Variants in OSBPL1A observed in about 807,000 individuals in gnomAD.
OSBPL1A encodes oxysterol binding protein like 1A, also known as oxysterol-binding protein-related protein 1.
A neutral mutation model predicts 137.1 loss-of-function variants in OSBPL1A; 80 were observed. The ratio of observed to expected loss-of-function variants is 0.58; its 90% CI spans 0.49 to 0.70. OSBPL1A has a LOEUF of 0.70. Ranked by LOEUF, OSBPL1A falls within the 30% of genes least tolerant of loss-of-function variation. OSBPL1A has a pLI of 0.00. For synonymous variants in OSBPL1A, 365 were observed against 389.7 expected, an observed-to-expected ratio of 0.94 and a Z score of 0.75; for missense variants, 970 against 1,129.4, an observed-to-expected ratio of 0.86 and a Z score of 2.02.
chr18:24,385,281 C>T (rs958305360), intron 1 of OSBPL1A, among the ~76,000 whole-genome samples: 2 of 152,142 alleles, frequency 1.3e-5, no homozygotes, highest in Non-Finnish European at 2.9e-5. Context: ...ATACCAGCTA[C>T]ATAGGGGGCT....
Position 24,312,041 on chromosome 18 carries a change from C to T in OSBPL1A, c.1035G>A (p.Leu345=), listed in dbSNP as rs1300385827. ...CCGTATCTTCCTCCTCCTCATCAGT[C>T]AGCTGGTCCTGGGAACAGTAGTGAG... is the stretch of plus-strand genomic sequence containing the variant. ...YSTHYCSQDQ[L]TDEEEEDTVS... Residue 345 remains leucine (L), a synonymous_variant, in exon 13 of 28, where the codon CTG becomes CTA. Transcript: ENST00000319481. 2.5e-6 allele frequency: 4 copies of T among 1,614,122 alleles called. No individual in the cohort carries two copies. Among genetic ancestry groups the T allele is most frequent in the Non-Finnish European group, 2.5e-6 (3 of 1,179,988 alleles).
At position 24,271,806 on chromosome 18, in the gene OSBPL1A, T is replaced by A; in HGVS notation, c.1281+9036A>T. 5.1e-6 allele frequency: 5 copies of A among 985,342 alleles called. No individual in the cohort carries two copies. The highest frequency in any genetic ancestry group is 6.0e-6 in the Non-Finnish European group (5 of 829,932). The allele number at this position is 985,342 out of a possible 1,614,324, so 61.0% of individuals were successfully genotyped here. On this transcript the variant is annotated intron_variant, in intron 15 of 27. Coordinates refer to ENST00000319481, the MANE Select transcript of OSBPL1A (RefSeq NM_080597.4). This position sits in a 1 kb window ranked among gnomAD's most constrained non-coding sequence, Gnocchi z 4.0. Reference sequence around the variant, plus strand: ...AAGTCACCTTTGCGCAGCCTGCCCCTGGCTCCGGCCGGGCAGCAGCGCCAG... The same window carrying A: ...AAGTCACCTTTGCGCAGCCTGCCCCAGGCTCCGGCCGGGCAGCAGCGCCAG...
intron 5 of OSBPL1A, among the ~76,000 whole-genome samples, chr18:24,336,102 C>A (rs747266846): frequency 6.6e-6 from 1 of 152,196 alleles, no homozygotes; most frequent in African/African-American, 2.4e-5. Flanking sequence ...GCATGTATCA[C>A]CCTGACCTGT....
intron 2 of OSBPL1A, among the ~76,000 whole-genome samples, chr18:24,372,715 C>G (rs569574951): frequency 6.6e-6 from 1 of 152,262 alleles, no homozygotes; most frequent in African/African-American, 2.4e-5. Flanking sequence ...AGCTTGTGAC[C>G]TGGTGTCCTC....
At chr18:24,358,809 T>G (rs1024037197) in intron 4 of OSBPL1A, among the ~76,000 whole-genome samples, 1 of 152,192 alleles carries the variant, frequency 6.6e-6, no homozygotes, top group Admixed American at 6.5e-5. Flanking sequence ...GGTGCCATCA[T>G]AGCTCACTCA....
At chr18:24,196,264 T>C (rs2087027753) in intron 17 of OSBPL1A, 64 bp from the exon 18 acceptor site, 2 of 1,137,350 alleles carry the variant, frequency 1.8e-6, no homozygotes, top group Non-Finnish European at 2.6e-6. Flanking sequence ...AGGGAAGAAC[T>C]GCTTTCATTC....
intron 1 of OSBPL1A, among the ~76,000 whole-genome samples, chr18:24,391,765 C>A (rs569876701): frequency 4.6e-5 from 7 of 152,146 alleles, no homozygotes; most frequent in Admixed American, 6.5e-5. Flanking sequence ...AACAAAAAAA[C>A]CTAAAAGGGC....
chr18:24,354,981 T>C (rs2091507465), intron 4 of OSBPL1A, among the ~76,000 whole-genome samples: 1 of 152,018 alleles, frequency 6.6e-6, no homozygotes, highest in Non-Finnish European at 1.5e-5. Context: ...TTCTACTGCC[T>C]TGGGGTCCAA....
intron 14 of OSBPL1A, among the ~76,000 whole-genome samples, chr18:24,287,813 AAAAT>A (rs1249771246): frequency 6.6e-6 from 1 of 151,782 alleles, no homozygotes; most frequent in South Asian, 2.1e-4. Context: ...AAAATAAAAT[AAAAT>A]AGACTTTGGC....
chr18:24,187,054 C>T (rs1194640605), intron 18 of OSBPL1A, among the ~76,000 whole-genome samples: 2 of 151,858 alleles, frequency 1.3e-5, no homozygotes, highest in African/African-American at 4.8e-5. Context: ...GAAAAATTGG[C>T]GTAGAAGTAA....
intron 4 of OSBPL1A, among the ~76,000 whole-genome samples, chr18:24,365,025 CAAAAAAAAA>C (rs56400717): frequency 2.8e-4 from 25 of 89,700 alleles, no homozygotes; most frequent in Admixed American, 7.2e-4. Flanking sequence ...AAAACAACAA[CAAAAAAAAA>C]AAAAAAAAAA....
chr18:24,300,305 A>G (rs1398018073), intron 14 of OSBPL1A, among the ~76,000 whole-genome samples: 3 of 152,230 alleles, frequency 2.0e-5, no homozygotes, highest in African/African-American at 7.2e-5. Context: ...AGAATAACTG[A>G]AAATAACGCT....
chr18:24,380,689 C>G (rs1457024134), intron 1 of OSBPL1A, among the ~76,000 whole-genome samples: 1 of 152,214 alleles, frequency 6.6e-6, no homozygotes, highest in Non-Finnish European at 1.5e-5. Flanking sequence ...CGGTGGCTCA[C>G]GCCTGTAATC....
intron 24 of OSBPL1A, among the ~76,000 whole-genome samples, chr18:24,167,712 G>A (rs562323231): frequency 6.6e-5 from 10 of 152,282 alleles, no homozygotes; most frequent in African/African-American, 1.9e-4. Flanking sequence ...ATACATACAC[G>A]ATCTTAGTTT....
intron 13 of OSBPL1A, among the ~76,000 whole-genome samples, chr18:24,310,454 T>C (rs532212755): frequency 1.6e-4 from 16 of 97,046 alleles, no homozygotes; most frequent in African/African-American, 6.0e-4. Context: ...AAAAAAAAAT[T>C]AGCCAGGTGC....
chr18:24,266,271 A>G (rs191488270), intron 15 of OSBPL1A, among the ~76,000 whole-genome samples: 124 of 152,272 alleles, frequency 8.1e-4, no homozygotes, highest in African/African-American at 2.7e-3. Flanking sequence ...TGGTCTGCAT[A>G]AAGAATAACA....
At chr18:24,254,099 G>A (rs2089194021) in intron 15 of OSBPL1A, among the ~76,000 whole-genome samples, 2 of 152,172 alleles carry the variant, frequency 1.3e-5, no homozygotes, top group Non-Finnish European at 2.9e-5. Context: ...AGTTGGTTAG[G>A]TCTTATTTTA....
chr18:24,228,612 G>GATCAC (rs2088170769), intron 16 of OSBPL1A, among the ~76,000 whole-genome samples: 1 of 152,160 alleles, frequency 6.6e-6, no homozygotes, highest in African/African-American at 2.4e-5. Context: ...TTCTCTAGGT[G>GATCAC]ATCACAGGAG....
At chr18:24,177,009 C>A (rs73408117) in intron 21 of OSBPL1A, among the ~76,000 whole-genome samples, 4,244 of 152,288 alleles carry the variant, frequency 0.028, 150 homozygotes, top group African/African-American at 0.088. Flanking sequence ...GTATCTCCCA[C>A]AACTAGGTCT....
Sources: allele counts gnomAD v4.1 joint callset (sites outside exome capture counted in the v4.1 genomes callset), GRCh38; gene constraint gnomAD v4.1.1; non-coding constraint Gnocchi (gnomAD v3.1); transcripts MANE v1.5; gene names NCBI Gene and HGNC (gene_info 2026-07-23, HGNC 2026-07-21).